CENPN: variants seen among roughly 807,000 people sequenced by gnomAD.
CENPN encodes the protein interphase centromere complex protein 32.
CENPN carries 36 observed loss-of-function variants against 48.6 expected under a neutral mutation model. That is an observed-to-expected ratio of 0.74 (90% CI 0.57 to 0.98). CENPN has a LOEUF of 0.98. Among genes scored for constraint, CENPN ranks in the 50% least tolerant of loss-of-function variants. The pLI is 0.00. For synonymous variants in CENPN, 166 were observed against 135.2 expected (o/e 1.23, Z -1.58); for missense variants, 439 against 399.2 (o/e 1.10, Z -0.85).
At chr16:81,032,622 A>G (rs990528729), downstream of CENPN, 1 of 1,613,892 alleles carries the variant, frequency 6.2e-7, no homozygotes, top group South Asian at 1.1e-5. Flanking sequence ...GCCACAGTCA[A>G]GGGACCCAGG....
chr16:81,008,010 G>C (rs1010350441), intron 1 of CENPN, among the ~76,000 whole-genome samples: 5 of 152,088 alleles, frequency 3.3e-5, no homozygotes, highest in African/African-American at 4.8e-5. Context: ...GGGAGGCTGA[G>C]GCAGGAGAAG....
At chr16:81,017,177 A>T (rs762257455) in intron 3 of CENPN, 149 bp from the exon 4 acceptor site, 17 of 577,806 alleles carry the variant, frequency 2.9e-5, no homozygotes, top group Non-Finnish European at 5.1e-5. Context: ...TTTAATCCAT[A>T]TAAAGTTTAT....
In CENPN at chr16:81,020,248, T is replaced by A; in HGVS notation, c.503T>A (p.Leu168Gln). Residue 168 changes from leucine to glutamine, a missense_variant, in exon 6 of 11, where the codon CTG (leucine) becomes CAG (glutamine). Coordinates refer to ENST00000305850, the MANE Select transcript of CENPN (RefSeq NM_001100624.3). ...TACGCCTTCACGTCCTCCTCCATGCTGAGGCGCAATACACCGCTTCTGGGT... is the reference window on the plus strand; with the variant it reads ...TACGCCTTCACGTCCTCCTCCATGCAGAGGCGCAATACACCGCTTCTGGGT... ...TPYAFTSSSM[L>Q]RRNTPLLGQA... 1 of 1,612,834 alleles carries A rather than the reference T, an allele frequency of 6.2e-7. No homozygotes were observed. The highest frequency in any genetic ancestry group is 1.1e-5 in the South Asian group (1 of 90,672).
At chr16:81,011,851 G>A (rs1469290426) in intron 1 of CENPN, 79 bp from the exon 2 acceptor site, 7 of 1,166,844 alleles carry the variant, frequency 6.0e-6, no homozygotes. Flanking sequence ...TTTCATATGT[G>A]TATGTGTATG....
At chr16:81,017,722 C>T (rs935940) in intron 4 of CENPN, 36 bp from the exon 5 acceptor site, 1,413,968 of 1,417,900 alleles carry the variant, frequency 1, 705,112 homozygotes, top group East Asian at 1. Flanking sequence ...ATTGTAGCTC[C>T]CTTGATTTTT....
At chr16:81,017,980 CTG>C (rs1970003662) in intron 5 of CENPN, 146 bp downstream of exon 5, 2 of 569,362 alleles carry the variant, frequency 3.5e-6, no homozygotes, top group African/African-American at 1.9e-5. Context: ...CAGAAACACA[CTG>C]TAAATATTAT....
intron 3 of CENPN, among the ~76,000 whole-genome samples, chr16:81,016,386 C>T (rs1279562915): frequency 2.0e-5 from 3 of 152,188 alleles, no homozygotes; most frequent in Non-Finnish European, 4.4e-5. Flanking sequence ...TAAGTTTAGA[C>T]CTGGGACTAC....
intron 7 of CENPN, chr16:81,024,462 C>T (rs944132767): frequency 3.8e-5 from 10 of 266,158 alleles, no homozygotes. Context: ...CGTAGATTCC[C>T]TGGGCTCTGC....
chr16:81,032,793 G>A, downstream of CENPN: 1 of 1,266,440 alleles, frequency 7.9e-7, no homozygotes, highest in South Asian at 1.5e-5. Flanking sequence ...AGGCCTCCTT[G>A]TTAAAATGGA....
chr16:81,029,168 C>T lies in CENPN; in HGVS notation c.*517C>T. 1.0e-6 allele frequency: 1 copy of T among 983,156 alleles called. No individual in the cohort carries two copies. Among genetic ancestry groups the T allele is most frequent in the Non-Finnish European group, 1.2e-6 (1 of 827,992 alleles). 60.9% of individuals were successfully genotyped at this position (983,156 alleles called of 1,614,324 possible). On this transcript the variant is annotated 3_prime_UTR_variant, in exon 11 of 11. Coordinates refer to ENST00000305850, the MANE Select transcript of CENPN (RefSeq NM_001100624.3). ...AGTTGAGTCCATTCTGTTATTGTTG[C>T]AAGAGGTTGCATATTTGGTGAGTCA...
Position 81,028,586 on chromosome 16 carries a change from C to G in CENPN, c.955C>G (p.Leu319Val), listed in dbSNP as rs537518607. The change falls in exon 11 of 11, where the codon CTT becomes GTT. Residue 319 changes from leucine to valine, a missense_variant. Physicochemically the swap from Leu to Val is conservative, Grantham distance 32. Transcript: ENST00000305850. Reference protein sequence around the residue: ...LAPAGIADAPLSPLLTCIPNK... With the variant: ...LAPAGIADAPVSPLLTCIPNK... Reference sequence around the variant, plus strand: ...AATTTCAGGTATTGCAGATGCTCCACTTTCTCCACTGCTCACTTGCATACC... The same window carrying G: ...AATTTCAGGTATTGCAGATGCTCCAGTTTCTCCACTGCTCACTTGCATACC... 28 of 1,605,954 alleles carry G rather than the reference C, an allele frequency of 1.7e-5. No individual in the cohort carries two copies. The South Asian group carries it at 3.1e-4, about 18-fold the overall frequency.
chr16:81,015,160 G>T (rs543211972), intron 3 of CENPN, among the ~76,000 whole-genome samples: 1 of 152,334 alleles, frequency 6.6e-6, no homozygotes, highest in African/African-American at 2.4e-5. Context: ...TCCTATTACA[G>T]TGTAGCTTCT....
Position 81,026,659 on chromosome 16 carries a change from T to C in CENPN, c.810+21T>C, listed in dbSNP as rs373975453. ...ATAAGGTAAGATGTCGTAATAAATA[T>C]TAAGTACAAGATATCAACATTGTTT... On this transcript the variant is annotated intron_variant, in intron 9 of 10. Transcript: ENST00000305850. 191 of 1,228,842 alleles carry C rather than the reference T, an allele frequency of 1.6e-4. No individual in the cohort carries two copies. In the Middle Eastern group the frequency reaches 1.8e-3, roughly 12 times the overall value. 76.1% of individuals were successfully genotyped at this position (1,228,842 alleles called of 1,614,324 possible).
downstream of CENPN, chr16:81,032,498 T>C (rs1970813343): frequency 6.8e-7 from 1 of 1,476,232 alleles, no homozygotes; most frequent in South Asian, 1.3e-5. Flanking sequence ...GGCACGTTAA[T>C]AAAACTTGTA....
chr16:81,020,056 A>G, intron 5 of CENPN, 44 bp from the exon 6 acceptor site: 1 of 1,563,112 alleles, frequency 6.4e-7, no homozygotes. Flanking sequence ...CCACAGTGAA[A>G]TTTTAATTAG....
intron 6 of CENPN, among the ~76,000 whole-genome samples, chr16:81,020,749 T>G (rs1970151190): frequency 2.6e-5 from 4 of 152,324 alleles, no homozygotes; most frequent in Admixed American, 2.6e-4. Context: ...TCGTTCAAAA[T>G]AACTACTGTC....
At chr16:81,017,166 C>A (rs141850922) in intron 3 of CENPN, 160 bp from the exon 4 acceptor site, 1 of 504,572 alleles carries the variant, frequency 2.0e-6, no homozygotes, top group Non-Finnish European at 3.5e-6. Context: ...ATATGAAGTA[C>A]TTTAATCCAT....
intron 5 of CENPN, 25 bp downstream of exon 5, chr16:81,017,859 A>G (rs756550945): frequency 3.8e-6 from 5 of 1,326,996 alleles, no homozygotes; most frequent in East Asian, 2.3e-5. Context: ...CATCTTTTAC[A>G]TAAAATTCAA....
At position 81,024,721 on chromosome 16, in the gene CENPN, G is replaced by A. The variant is rs753222055; in HGVS notation, c.640G>A (p.Glu214Lys). ...IVFKQYNQTFETHNSTTPLQE... is the reference protein window; with the variant it reads ...IVFKQYNQTFKTHNSTTPLQE... ...TTCACTTTTTTTTCCCTAGACCTTT[G>A]AAACTCACAACTCTACGACACCTCT... is the stretch of plus-strand genomic sequence containing the variant. The change falls in exon 8 of 11, where the codon GAA becomes AAA. Residue 214 changes from glutamate to lysine, a missense_variant. Glu to Lys is a moderately conservative substitution (Grantham distance 56). Coordinates refer to ENST00000305850, the MANE Select transcript of CENPN (RefSeq NM_001100624.3). 7 of 1,606,284 alleles carry A rather than the reference G, an allele frequency of 4.4e-6. No homozygotes were observed. The highest frequency in any genetic ancestry group is 1.1e-5 in the South Asian group (1 of 90,164).
Sources: allele counts gnomAD v4.1 joint callset (sites outside exome capture counted in the v4.1 genomes callset), GRCh38; gene constraint gnomAD v4.1.1; transcripts MANE v1.5; gene names NCBI Gene and HGNC (gene_info 2026-07-23, HGNC 2026-07-21).